The following TES variants were observed in gnomAD, a reference collection of about 807,000 sequenced individuals.
TES encodes testin.
Under a neutral mutation model 48.2 loss-of-function variants are expected in TES, and 41 were observed. That is an observed-to-expected ratio of 0.85 (90% confidence interval 0.66 to 1.10). The LOEUF (loss-of-function observed/expected upper bound fraction) is 1.10, where lower values mean the gene tolerates loss of function less well. TES is among the 50% of genes least tolerant of loss of function. The probability of loss-of-function intolerance (pLI) is 0.00; values close to 1 mark genes in which losing one functional copy is unlikely to be tolerated. For synonymous variants in TES, 162 were observed against 174.9 expected (o/e 0.93, Z 0.58); for missense variants, 463 against 515.1 (o/e 0.90, Z 0.98).
Position 116,246,946 on chromosome 7 carries a change from C to CTTTTT in TES, c.114-2074_114-2073insTTTTT, listed in dbSNP as rs148032626. Among the ~76,000 whole-genome samples the CTTTTT allele has an allele frequency of 1.8e-4, 23 of 131,064 alleles. 4 individuals carry two copies. The highest frequency in any genetic ancestry group is 2.4e-4 in the Admixed American group (3 of 12,572). The allele number at this position is 131,064 out of a possible 152,430, so 86.0% of individuals were successfully genotyped here. On this transcript the variant is annotated intron_variant, in intron 2 of 6. Transcript: ENST00000358204. The stretch of plus-strand genomic sequence containing the variant: ...AGTTCTAGAAATCAGAGACTAGGCC[C>CTTTTT]CTTTTTTTTTTTTTTTTTTTTAAGC...
chr7:116,228,736 T>C (rs1245135658), intron 1 of TES, among the ~76,000 whole-genome samples: 2 of 152,082 alleles, frequency 1.3e-5, no homozygotes, highest in African/African-American at 4.8e-5. Context: ...GATTAAACTT[T>C]GAGCAGATGA....
intron 1 of TES, among the ~76,000 whole-genome samples, chr7:116,223,904 G>A (rs1048556037): frequency 6.6e-6 from 1 of 152,242 alleles, no homozygotes; most frequent in Non-Finnish European, 1.5e-5. Context: ...CAGCATCTAA[G>A]ATGGTTCCCA....
chr7:116,254,758 ATGTGTGTGTGTGTGTG>A (rs202115399), intron 6 of TES, among the ~76,000 whole-genome samples: 15 of 116,756 alleles, frequency 1.3e-4, no homozygotes, highest in African/African-American at 5.2e-4. Context: ...ATATATATAT[ATGTGTGTGTGTGTGTG>A]TGTGTGTGTG....
chr7:116,255,996 C>T (rs2116638016), intron 6 of TES, among the ~76,000 whole-genome samples: 1 of 152,288 alleles, frequency 6.6e-6, no homozygotes, highest in South Asian at 2.1e-4. Context: ...CAGTTGCTTG[C>T]ATGGTGCAGC....
intron 1 of TES, among the ~76,000 whole-genome samples, chr7:116,213,999 C>G (rs1799466712): frequency 6.6e-6 from 1 of 152,014 alleles, no homozygotes; most frequent in South Asian, 2.1e-4. Flanking sequence ...TAAGAACATA[C>G]CAACAGAGAA....
At chr7:116,253,352 CA>C (rs1412120294) in intron 6 of TES, among the ~76,000 whole-genome samples, 7 of 152,136 alleles carry the variant, frequency 4.6e-5, no homozygotes, top group African/African-American at 1.7e-4. Context: ...TACAGTTATT[CA>C]TTCTCTATCA....
At chr7:116,239,022 T>C (rs1799810271) in intron 2 of TES, 1 of 152,202 alleles carries the variant, frequency 6.6e-6, no homozygotes, top group Admixed American at 6.5e-5. Flanking sequence ...CACCTTTAAG[T>C]GCGAGGGAAG....
At position 116,250,197 on chromosome 7, in the gene TES, C is replaced by G. The variant is rs1799982833; in HGVS notation, c.403C>G (p.Gln135Glu). The change falls in exon 4 of 7, where the codon CAG (glutamine) becomes GAG (glutamate). Residue 135 changes from glutamine to glutamate, a missense_variant. By Grantham distance (29) the Gln-to-Glu change is conservative. Transcript: ENST00000358204. ...QYMQMLPKEK[Q>E]PVAGSEGAQY... Reference sequence around the variant, plus strand: ...CATGCAGATGCTACCCAAGGAAAAGCAGCCAGTAGCAGGCTCAGAGGGGGC... The same window carrying G: ...CATGCAGATGCTACCCAAGGAAAAGGAGCCAGTAGCAGGCTCAGAGGGGGC... 6.4e-7 allele frequency: 1 copy of G among 1,562,278 alleles called. No individual in the cohort carries two copies. The highest frequency in any genetic ancestry group is 2.3e-5 in the East Asian group (1 of 44,154).
At chr7:116,252,649 T>C (rs1383912254) in intron 6 of TES, 173 bp downstream of exon 6, 5 of 778,038 alleles carry the variant, frequency 6.4e-6, no homozygotes, top group Non-Finnish European at 1.1e-5. Flanking sequence ...ATACATGCAT[T>C]GACTATGAGC....
At chr7:116,253,501 A>ACC (rs1028008793) in intron 6 of TES, among the ~76,000 whole-genome samples, 122 of 152,196 alleles carry the variant, frequency 8.0e-4, no homozygotes, top group African/African-American at 2.5e-3. Context: ...CTCAAAAGCT[A>ACC]CCCACCATAA....
intron 1 of TES, among the ~76,000 whole-genome samples, chr7:116,230,649 A>ACAT (rs1799686305): frequency 1.3e-5 from 2 of 152,338 alleles, no homozygotes; most frequent in South Asian, 4.1e-4. Context: ...TTAAGCTGGT[A>ACAT]GCCTAAGACA....
At chr7:116,236,588 G>A (rs1029264492) in intron 2 of TES, among the ~76,000 whole-genome samples, 1 of 151,970 alleles carries the variant, frequency 6.6e-6, no homozygotes. Flanking sequence ...AAACATTTTG[G>A]GTAAGAGATA....
In TES at chr7:116,234,540, T is replaced by G; in HGVS notation, c.34T>G (p.Leu12Val). Residue 12 changes from leucine (L) to valine (V), a missense_variant, in exon 2 of 7, where the codon TTA (leucine) becomes GTA (valine). Physicochemically the swap from Leu to Val is conservative, Grantham distance 32. Transcript: ENST00000358204. Reference protein sequence around the residue: ...DLENKVKKMGLGHEQGFGAPC... With the variant: ...DLENKVKKMGVGHEQGFGAPC... ...GATGTTTTCTTTTTAACAGATGGGC[T>G]TAGGTCACGAGCAAGGATTTGGAGC... 6.2e-7 allele frequency: 1 copy of G among 1,613,734 alleles called. No homozygotes were observed. Among genetic ancestry groups the G allele is most frequent in the Admixed American group, 1.7e-5 (1 of 60,012 alleles).
chr7:116,237,595 CAA>C (rs1799788597), intron 2 of TES, among the ~76,000 whole-genome samples: 1 of 152,136 alleles, frequency 6.6e-6, no homozygotes, highest in African/African-American at 2.4e-5. Flanking sequence ...CACTAGGAAA[CAA>C]AAAGTCTCAG....
In TES at chr7:116,234,399, A is replaced by G. The variant is rs901324290; in HGVS notation, c.28-135A>G. 9.6e-5 allele frequency: 67 copies of G among 697,066 alleles called. No individual in the cohort carries two copies. In the African/African-American group the frequency reaches 1.0e-3, roughly 11 times the overall value. The allele number at this position is 697,066 out of a possible 1,614,324, so 43.2% of individuals were successfully genotyped here. A position where few individuals can be genotyped will look rare whatever the true frequency, so the allele number is the denominator to read the frequency against. On this transcript the variant is annotated intron_variant, in intron 1 of 6. Coordinates refer to ENST00000358204, the MANE Select transcript of TES (RefSeq NM_015641.4). ...ACTGCCATGTACATACCTGGGTATC[A>G]TCATTGACTAAATATAAGATTTGTT...
chr7:116,256,248 AT>A (rs1231676291), intron 6 of TES, among the ~76,000 whole-genome samples: 7 of 152,154 alleles, frequency 4.6e-5, no homozygotes, highest in Admixed American at 6.5e-5. Context: ...TAGCAGCCAC[AT>A]TTTGAAGTCT....
intron 2 of TES, among the ~76,000 whole-genome samples, chr7:116,244,495 A>C (rs909736433): frequency 2.0e-5 from 3 of 152,218 alleles, no homozygotes; most frequent in African/African-American, 7.2e-5. Flanking sequence ...AGGGTGTGCT[A>C]ATGCAAAAAA....
At chr7:116,249,998 GT>G (rs756603718) in intron 3 of TES, 162 bp from the exon 4 acceptor site, 41 of 435,620 alleles carry the variant, frequency 9.4e-5, no homozygotes, top group East Asian at 3.9e-4. Context: ...TCTATTTAGT[GT>G]ACCGTTTTTG....
intron 1 of TES, 53 bp downstream of exon 1, chr7:116,210,787 G>A: frequency 8.1e-7 from 1 of 1,228,808 alleles, no homozygotes; most frequent in Non-Finnish European, 1.0e-6. Context: ...CGGGTCGCGC[G>A]GCGCGCGGCG....
Sources: allele counts gnomAD v4.1 joint callset (sites outside exome capture counted in the v4.1 genomes callset), GRCh38; gene constraint gnomAD v4.1.1; transcripts MANE v1.5; gene names NCBI Gene and HGNC (gene_info 2026-07-23, HGNC 2026-07-21).